SLC6A16: variants seen among roughly 807,000 people sequenced by gnomAD.
SLC6A16 encodes the protein orphan sodium- and chloride-dependent neurotransmitter transporter NTT5.
In SLC6A16, 54 loss-of-function variants were observed where a neutral mutation model predicts 65.4. That is an observed-to-expected ratio of 0.83 (90% CI 0.66 to 1.04). The LOEUF (loss-of-function observed/expected upper bound fraction) is 1.04. Among genes scored for constraint, SLC6A16 ranks in the 50% least tolerant of loss-of-function variants. SLC6A16 has a pLI of 0.00. For missense variants in SLC6A16, 816 were observed against 914.0 expected, an observed-to-expected ratio of 0.89 and a Z score of 1.38; for synonymous variants, 330 against 346.5, an observed-to-expected ratio of 0.95 and a Z score of 0.53.
chr19:49,329,846 G>T (rs1392789462), upstream of SLC6A16, among the ~76,000 whole-genome samples: 1 of 151,952 alleles, frequency 6.6e-6, no homozygotes, highest in Non-Finnish European at 1.5e-5. Context: ...TGTTAGCCAG[G>T]ATGGTCTCGA....
chr19:49,309,902 C>T, intron 4 of SLC6A16, 76 bp from the exon 5 acceptor site: 7 of 1,549,426 alleles, frequency 4.5e-6, no homozygotes, highest in Non-Finnish European at 6.2e-6. Context: ...CCCCACCTCC[C>T]TTTTCTCTTT....
At chr19:49,310,298 G>A (rs922114821) in intron 3 of SLC6A16, 55 bp downstream of exon 3, 16 of 1,607,362 alleles carry the variant, frequency 1.0e-5, no homozygotes, top group African/African-American at 4.0e-5. Flanking sequence ...CAGGAGGAGG[G>A]TTGGGATGGC....
the SLC6A16 span, chr19:49,336,335 C>T: frequency 6.3e-6 from 1 of 158,726 alleles, no homozygotes; most frequent in Non-Finnish European, 1.4e-5. Flanking sequence ...GCAGGTGGAT[C>T]ACTTGAGGTC....
chr19:49,336,080 GC>G, the SLC6A16 span: 1 of 475,752 alleles, frequency 2.1e-6, no homozygotes, highest in African/African-American at 1.9e-5. Context: ...GAGAGGGGAA[GC>G]CCCTTGATGG....
chr19:49,339,245 G>C, the SLC6A16 span: 2 of 1,220,726 alleles, frequency 1.6e-6, no homozygotes, highest in South Asian at 2.6e-5. The surrounding 1 kb of genome is among the most constrained non-coding windows in gnomAD (Gnocchi z 4.5). Context: ...GCCTGAAGAC[G>C]GTGAGGGTTG....
chr19:49,320,231 A>T (rs1335967024), intron 1 of SLC6A16, among the ~76,000 whole-genome samples: 1 of 152,110 alleles, frequency 6.6e-6, no homozygotes, highest in Non-Finnish European at 1.5e-5. Flanking sequence ...CTACATAGTG[A>T]AACCCCATCT....
chr19:49,313,784 G>C (rs148024470), intron 1 of SLC6A16, among the ~76,000 whole-genome samples: 8 of 151,988 alleles, frequency 5.3e-5, no homozygotes, highest in South Asian at 2.1e-4. Context: ...GACAGAGTAA[G>C]ACTCTGTCTC....
chr19:49,337,213 C>A, the SLC6A16 span: 6 of 1,613,892 alleles, frequency 3.7e-6, no homozygotes, highest in Non-Finnish European at 5.1e-6. Context: ...CTCCACTCAG[C>A]GGGCCCAGGT....
the SLC6A16 span, chr19:49,337,313 C>A: frequency 8.3e-7 from 1 of 1,205,886 alleles, no homozygotes; most frequent in Non-Finnish European, 1.2e-6. Context: ...GAAACAAGGG[C>A]AGACAGGGGC....
the SLC6A16 span, chr19:49,339,821 G>T: frequency 7.4e-7 from 1 of 1,344,840 alleles, no homozygotes; most frequent in Non-Finnish European, 9.6e-7. The surrounding 1 kb of genome is among the most constrained non-coding windows in gnomAD (Gnocchi z 4.5). Context: ...GGCATGGCGG[G>T]TGCCTGCCCC....
At chr19:49,305,411 G>A (rs529724236) in intron 7 of SLC6A16, among the ~76,000 whole-genome samples, 16 of 152,178 alleles carry the variant, frequency 1.1e-4, no homozygotes, top group Non-Finnish European at 2.4e-4. Context: ...GGTGAACATG[G>A]TGAAACCCCG....
chr19:49,338,641 T>G, the SLC6A16 span: 3 of 1,297,766 alleles, frequency 2.3e-6, no homozygotes, highest in Non-Finnish European at 3.3e-6. This position sits in a 1 kb window ranked among gnomAD's most constrained non-coding sequence, Gnocchi z 5.0. Flanking sequence ...CCTTGTCCCC[T>G]GATCCCCAAC....
chr19:49,312,481 G>T, intron 1 of SLC6A16: 1 of 779,934 alleles, frequency 1.3e-6, no homozygotes, highest in Non-Finnish European at 1.6e-6. Context: ...TCTGCCTACT[G>T]CTCTATCTCC....
intron 1 of SLC6A16, among the ~76,000 whole-genome samples, chr19:49,313,625 C>CAAAAAAAAA (rs902187308): frequency 1.8e-3 from 87 of 47,062 alleles, no homozygotes; most frequent in East Asian, 4.5e-3. Context: ...ACTAAAAATG[C>CAAAAAAAAA]AAAAAAAAAA....
In SLC6A16 at chr19:49,294,015, G is replaced by C. The variant is rs570271065; in HGVS notation, c.1430C>G (p.Pro477Arg). 14 of 1,611,614 alleles carry C rather than the reference G, an allele frequency of 8.7e-6. No homozygotes were observed. Among genetic ancestry groups the C allele is most frequent in the Non-Finnish European group, 1.1e-5 (13 of 1,179,996 alleles). ...AACAAAGGACAGGAATGCAAACTTTGGGCCCTCGCTAGCCTGCAAAGAGAA... is the reference window on the plus strand; with the variant it reads ...AACAAAGGACAGGAATGCAAACTTTCGGCCCTCGCTAGCCTGCAAAGAGAA... Reference protein sequence around the residue: ...ETQFLKASEGPKFAFLSFVEA... With the variant: ...ETQFLKASEGRKFAFLSFVEA... The change falls in exon 9 of 12, where the codon CCA becomes CGA. Residue 477 changes from proline (P) to arginine (R), a missense_variant. Physicochemically the swap from Pro to Arg is moderately radical, Grantham distance 103 (BLOSUM62 -2). Coordinates refer to ENST00000335875, the MANE Select transcript of SLC6A16 (RefSeq NM_014037.3).
chr19:49,314,064 C>A lies in SLC6A16; in HGVS notation c.-64-2653G>T, dbSNP rs536864725. On this transcript the variant is annotated intron_variant, in intron 1 of 11. Coordinates refer to ENST00000335875, the MANE Select transcript of SLC6A16 (RefSeq NM_014037.3). ...TGAGCTGAGATCACGCCACTACACT[C>A]CAGCCTGGGCAACAGAGTGAGACTC... Among the ~76,000 whole-genome samples, 7 of 150,604 alleles carry A rather than the reference C, an allele frequency of 4.6e-5. No individual in the cohort carries two copies. The South Asian group carries it at 1.5e-3, about 32-fold the overall frequency.
chr19:49,329,179 G>T (rs922743489), upstream of SLC6A16, among the ~76,000 whole-genome samples: 2 of 151,812 alleles, frequency 1.3e-5, no homozygotes, highest in African/African-American at 4.8e-5. Context: ...CACAACCTCC[G>T]CCTCCCAGGT....
the SLC6A16 span, chr19:49,337,690 A>G: frequency 6.5e-7 from 1 of 1,527,742 alleles, no homozygotes; most frequent in Non-Finnish European, 8.8e-7. Flanking sequence ...ACACACGGGA[A>G]AAAGAGAGAA....
the SLC6A16 span, chr19:49,331,803 A>C: frequency 2.2e-6 from 1 of 457,224 alleles, no homozygotes; most frequent in East Asian, 6.9e-5. Context: ...CACTGCAAGG[A>C]GACCTGGGAA....
Sources: gnomAD v4.1 joint callset for allele counts (sites outside exome capture counted in the v4.1 genomes callset) on GRCh38, gnomAD v4.1.1 for gene constraint, Gnocchi (gnomAD v3.1) non-coding constraint, MANE v1.5 for transcripts, NCBI Gene and HGNC (gene_info 2026-07-23, HGNC 2026-07-21) for gene names.